The following USP8 variants were observed in gnomAD, a reference collection of about 807,000 sequenced individuals.
The protein encoded by USP8 is ubiquitin carboxyl-terminal hydrolase 8.
A neutral mutation model predicts 130.0 loss-of-function variants in USP8; 27 were observed. The observed-to-expected ratio is 0.21, with a 90% CI of 0.15 to 0.29. The LOEUF (loss-of-function observed/expected upper bound fraction) is 0.29. USP8 is among the 10% of genes least tolerant of loss of function. The pLI is 1.00. For synonymous variants in USP8, 392 were observed against 444.1 expected, an observed-to-expected ratio of 0.88 and a Z score of 1.48; for missense variants, 1,029 against 1,312.2, an observed-to-expected ratio of 0.78 and a Z score of 3.33.
At chr15:50,464,975 G>T in intron 6 of USP8, 72 bp from the exon 7 acceptor site, 2 of 1,566,778 alleles carry the variant, frequency 1.3e-6, no homozygotes, top group Non-Finnish European at 8.7e-7. Flanking sequence ...AAAGCGGTTT[G>T]TCCTGTGTTT....
Position 50,500,975 on chromosome 15 carries a change from TC to T in USP8, c.*1888del, listed in dbSNP as rs2052574864. On this transcript the variant is annotated 3_prime_UTR_variant, in exon 20 of 20. Transcript: ENST00000307179. The stretch of plus-strand genomic sequence containing the variant: ...AGGAAGTGATAATTTTGTTGTTAAA[TC>T]ATGCATATAGCCTGACTGCTATATT... The T allele has an allele frequency of 1.4e-6, 1 of 719,738 alleles. No homozygotes were observed. Among genetic ancestry groups the T allele is most frequent in the Non-Finnish European group, 2.4e-6 (1 of 423,036 alleles). The allele number at this position is 719,738 out of a possible 1,614,324, so 44.6% of individuals were successfully genotyped here.
At chr15:50,454,143 C>T (rs1263987879) in intron 4 of USP8, among the ~76,000 whole-genome samples, 2 of 152,216 alleles carry the variant, frequency 1.3e-5, no homozygotes, top group African/African-American at 4.8e-5. Context: ...CGATCACAGG[C>T]GTGAGCTACC....
chr15:50,494,630 A>G (rs1595988284), intron 16 of USP8, among the ~76,000 whole-genome samples: 1 of 152,344 alleles, frequency 6.6e-6, no homozygotes, highest in Admixed American at 6.5e-5. Context: ...TATAATATGT[A>G]TATGTTATTG....
At chr15:50,473,820 A>ATAT (rs1555389103) in intron 8 of USP8, among the ~76,000 whole-genome samples, 8 of 149,324 alleles carry the variant, frequency 5.4e-5, no homozygotes, top group South Asian at 2.1e-4. Flanking sequence ...ATATATATAT[A>ATAT]TTTTTTTAAT....
At chr15:50,444,306 TGTTG>T (rs1314730464) in intron 3 of USP8, among the ~76,000 whole-genome samples, 1 of 151,872 alleles carries the variant, frequency 6.6e-6, no homozygotes, top group East Asian at 1.9e-4. Flanking sequence ...GGTTTCACCG[TGTTG>T]GTCAGGCTGA....
intron 7 of USP8, among the ~76,000 whole-genome samples, chr15:50,470,444 GA>G (rs1037114404): frequency 1.1e-4 from 17 of 152,160 alleles, no homozygotes; most frequent in South Asian, 2.1e-4. Context: ...TCCAGACAGG[GA>G]AAAAGCCAGA....
intron 12 of USP8, among the ~76,000 whole-genome samples, chr15:50,485,925 A>T (rs1402927304): frequency 6.6e-6 from 1 of 152,168 alleles, no homozygotes; most frequent in Admixed American, 6.5e-5. Flanking sequence ...ATGAAAGTAG[A>T]TGTTATCCTG....
chr15:50,464,953 G>T, intron 6 of USP8, 94 bp from the exon 7 acceptor site: 2 of 1,336,700 alleles, frequency 1.5e-6, no homozygotes, highest in South Asian at 1.4e-5. Flanking sequence ...AGTATACTTT[G>T]CTCTTCTAGA....
intron 1 of USP8, chr15:50,424,739 T>G: frequency 2.7e-6 from 1 of 372,702 alleles, no homozygotes; most frequent in Non-Finnish European, 4.8e-6. Context: ...TTTCGTGTGT[T>G]TTTTTGGTTT....
intron 14 of USP8, among the ~76,000 whole-genome samples, chr15:50,492,265 C>G (rs1176114302): frequency 6.6e-6 from 1 of 152,216 alleles, no homozygotes; most frequent in Non-Finnish European, 1.5e-5. Flanking sequence ...TTGATATCTA[C>G]TCCACGGTAT....
intron 1 of USP8, among the ~76,000 whole-genome samples, chr15:50,425,743 ACAAAAATGT>A (rs1295871277): frequency 6.6e-6 from 1 of 152,220 alleles, no homozygotes; most frequent in Non-Finnish European, 1.5e-5. Context: ...AGAAAAACTA[ACAAAAATGT>A]TTTAAAGGTG....
At chr15:50,485,537 A>G (rs1234144393) in intron 12 of USP8, among the ~76,000 whole-genome samples, 5 of 108,174 alleles carry the variant, frequency 4.6e-5, no homozygotes, top group Non-Finnish European at 9.6e-5. Flanking sequence ...CATTTTTAGC[A>G]TGCAGTTTAG....
At chr15:50,440,832 G>A (rs764482254) in intron 2 of USP8, among the ~76,000 whole-genome samples, 4 of 149,442 alleles carry the variant, frequency 2.7e-5, no homozygotes, top group Admixed American at 7.0e-5. Context: ...GTGAAACCTC[G>A]TCTCTACTAA....
At position 50,502,033 on chromosome 15, in the gene USP8, A is replaced by G. The variant is rs2052597573; in HGVS notation, c.*2945A>G. The G allele has an allele frequency of 6.6e-6, 1 of 152,232 alleles. No individual in the cohort carries two copies. The highest frequency in any genetic ancestry group is 1.5e-5 in the Non-Finnish European group (1 of 68,044). The allele number at this position is 152,232 out of a possible 1,614,324, so 9.4% of individuals were successfully genotyped here. Reference sequence around the variant, plus strand: ...TACCATATGGCTTATGAGGCCTAAAATATTTACTGTTTGGCCTTTAACAGA... The same window carrying G: ...TACCATATGGCTTATGAGGCCTAAAGTATTTACTGTTTGGCCTTTAACAGA... On this transcript the variant is annotated 3_prime_UTR_variant, in exon 20 of 20. Transcript: ENST00000307179.
chr15:50,471,140 A>C (rs139861010), intron 7 of USP8, among the ~76,000 whole-genome samples: 1 of 152,226 alleles, frequency 6.6e-6, no homozygotes, highest in Non-Finnish European at 1.5e-5. Context: ...TGAAGACTCA[A>C]TGAGTTCAAT....
At position 50,509,638 on chromosome 15, in the gene USP8, A is replaced by G. The variant is rs2052713171; in HGVS notation, c.*10550A>G. The stretch of plus-strand genomic sequence containing the variant: ...ACTCCAGCCTGGGCGACAGAGCGAG[A>G]CTGCGTCTCAAAAAATAAAATAAAA... On this transcript the variant is annotated 3_prime_UTR_variant, in exon 20 of 20. Transcript: ENST00000307179. 6.6e-6 allele frequency: 1 copy of G among 152,206 alleles called. No individual in the cohort carries two copies. The highest frequency in any genetic ancestry group is 6.5e-5 in the Admixed American group (1 of 15,270). 9.4% of individuals were successfully genotyped at this position (152,206 alleles called of 1,614,324 possible). A position where few individuals can be genotyped will look rare whatever the true frequency, so the allele number is the denominator to read the frequency against.
rs1433337515 is a variant in USP8, at chr15:50,513,132, G to A, written c.*14044G>A. On this transcript the variant is annotated 3_prime_UTR_variant, in exon 20 of 20. Transcript: ENST00000307179. ...TTAAGAAGTCTGATGATCCTGGTAG[G>A]GGTATGTATTGGTATAATCACTTGT... is the stretch of plus-strand genomic sequence containing the variant. The A allele has an allele frequency of 6.6e-6, 1 of 152,122 alleles. No individual in the cohort carries two copies. Among genetic ancestry groups the A allele is most frequent in the Non-Finnish European group, 1.5e-5 (1 of 68,020 alleles). 9.4% of individuals were successfully genotyped at this position (152,122 alleles called of 1,614,324 possible).
chr15:50,487,988 C>T (rs564677392), intron 12 of USP8, among the ~76,000 whole-genome samples: 5 of 152,242 alleles, frequency 3.3e-5, no homozygotes, highest in South Asian at 2.1e-4. Flanking sequence ...AGAACAGCCT[C>T]GGCAATGTAG....
At chr15:50,427,159 G>C (rs2049760697) in intron 1 of USP8, among the ~76,000 whole-genome samples, 1 of 152,014 alleles carries the variant, frequency 6.6e-6, no homozygotes, top group Admixed American at 6.6e-5. Context: ...GGATGATCTT[G>C]ATCTCTTGAC....
Sources: allele counts gnomAD v4.1 joint callset (sites outside exome capture counted in the v4.1 genomes callset), GRCh38; gene constraint gnomAD v4.1.1; transcripts MANE v1.5; gene names NCBI Gene and HGNC (gene_info 2026-07-23, HGNC 2026-07-21).